Variants in SEMA3A observed in about 807,000 individuals in gnomAD.
SEMA3A encodes semaphorin-3A.
SEMA3A carries 29 observed loss-of-function variants against 97.9 expected under a neutral mutation model. The observed-to-expected ratio is 0.30, with a 90% CI of 0.22 to 0.40. The LOEUF (loss-of-function observed/expected upper bound fraction) is 0.40, where lower values mean the gene tolerates loss of function less well. SEMA3A is among the 10% of genes least tolerant of loss of function. SEMA3A has a pLI of 1.00. For synonymous variants in SEMA3A, 321 were observed against 323.7 expected, an observed-to-expected ratio of 0.99 and a Z score of 0.09; for missense variants, 763 against 951.3, an observed-to-expected ratio of 0.80 and a Z score of 2.60.
chr7:84,374,097 C>A (rs976023687), intron 1 of SEMA3A, among the ~76,000 whole-genome samples: 1 of 152,030 alleles, frequency 6.6e-6, no homozygotes, highest in Non-Finnish European at 1.5e-5. Flanking sequence ...TGGGCAGAAG[C>A]CCAGAGGAGA....
At chr7:84,042,773 A>T (rs113912848) in intron 6 of SEMA3A, among the ~76,000 whole-genome samples, 1 of 152,190 alleles carries the variant, frequency 6.6e-6, no homozygotes, top group African/African-American at 2.4e-5. Context: ...ACTCCAAGAC[A>T]TAAACAATAT....
chr7:84,340,793 A>AC (rs1233169888), intron 2 of SEMA3A, among the ~76,000 whole-genome samples: 2 of 122,408 alleles, frequency 1.6e-5, no homozygotes, highest in Admixed American at 8.7e-5. Flanking sequence ...AAAAAAAAAA[A>AC]AAAAATCAAA....
intron 1 of SEMA3A, among the ~76,000 whole-genome samples, chr7:84,452,447 G>A (rs118159844): frequency 5.7e-4 from 86 of 152,208 alleles, no homozygotes; most frequent in East Asian, 3.3e-3. Context: ...CATACACTTT[G>A]TGAGTATGAT....
At chr7:83,966,621 G>A (rs1226963707) in intron 15 of SEMA3A, among the ~76,000 whole-genome samples, 1 of 152,114 alleles carries the variant, frequency 6.6e-6, no homozygotes, top group African/African-American at 2.4e-5. Context: ...AAGATACAGC[G>A]ATACTATTGT....
intron 1 of SEMA3A, among the ~76,000 whole-genome samples, chr7:84,429,052 G>A (rs1158953268): frequency 6.6e-6 from 1 of 151,976 alleles, no homozygotes; most frequent in East Asian, 1.9e-4. Flanking sequence ...GGAGGTTCAT[G>A]TTCCAACACA....
chr7:84,043,950 T>G (rs1004746255), intron 6 of SEMA3A, among the ~76,000 whole-genome samples: 8 of 152,002 alleles, frequency 5.3e-5, no homozygotes, highest in African/African-American at 1.9e-4. Context: ...AGCTTTAACT[T>G]GATGGGTTTT....
At chr7:84,282,957 C>T (rs1353500528) in intron 3 of SEMA3A, among the ~76,000 whole-genome samples, 7 of 151,560 alleles carry the variant, frequency 4.6e-5, no homozygotes, top group Non-Finnish European at 1.0e-4. Flanking sequence ...GAGGTTGCAG[C>T]GAACAGAGAT....
At chr7:84,490,302 T>A (rs1179561928) in intron 1 of SEMA3A, among the ~76,000 whole-genome samples, 2 of 151,956 alleles carry the variant, frequency 1.3e-5, no homozygotes, top group Non-Finnish European at 2.9e-5. Flanking sequence ...GTATTCATCC[T>A]CACTCAGCTA....
At chr7:84,069,249 A>T (rs1159987186) in intron 4 of SEMA3A, among the ~76,000 whole-genome samples, 3 of 152,104 alleles carry the variant, frequency 2.0e-5, no homozygotes, top group East Asian at 3.9e-4. Flanking sequence ...TGTGCCTTTT[A>T]TTGGCTCTGT....
At chr7:84,186,274 C>T (rs1797882256) in intron 1 of SEMA3A, among the ~76,000 whole-genome samples, 1 of 152,072 alleles carries the variant, frequency 6.6e-6, no homozygotes, top group Non-Finnish European at 1.5e-5. Flanking sequence ...ACAATATTCA[C>T]TTTATTTATC....
chr7:84,404,285 AG>A (rs1234857105), intron 1 of SEMA3A, among the ~76,000 whole-genome samples: 1 of 152,222 alleles, frequency 6.6e-6, no homozygotes, highest in Non-Finnish European at 1.5e-5. Flanking sequence ...ACTGGAAGAA[AG>A]GGTATCAGCG....
chr7:84,465,432 G>A (rs956636172), intron 1 of SEMA3A, among the ~76,000 whole-genome samples: 2 of 152,084 alleles, frequency 1.3e-5, no homozygotes, highest in Non-Finnish European at 2.9e-5. Context: ...ACAATGTTAT[G>A]TAGATCTATT....
At chr7:84,458,907 T>G (rs982321721) in intron 1 of SEMA3A, among the ~76,000 whole-genome samples, 5 of 151,920 alleles carry the variant, frequency 3.3e-5, no homozygotes, top group Admixed American at 3.3e-4. Context: ...ACTTATTCCT[T>G]TTATTTAACC....
At chr7:84,333,300 C>G (rs1034327380) in intron 2 of SEMA3A, among the ~76,000 whole-genome samples, 1 of 152,196 alleles carries the variant, frequency 6.6e-6, no homozygotes, top group Middle Eastern at 3.4e-3. Flanking sequence ...AAATGCAACA[C>G]AAGGAAGAAA....
At chr7:84,236,034 T>C (rs1012814163) in intron 3 of SEMA3A, among the ~76,000 whole-genome samples, 2 of 152,150 alleles carry the variant, frequency 1.3e-5, no homozygotes, top group African/African-American at 4.8e-5. Context: ...GGCACATGCC[T>C]AATTGGCTAC....
rs183489865 is a variant in SEMA3A at position 84,062,672 on chromosome 7, A to T, written c.454-2114T>A. ...AAAGGGGTGACAGACGGCACCTGGA[A>T]AATCCGGTCACTCCCACCCGAATAC... On this transcript the variant is annotated intron_variant, in intron 4 of 16. Transcript: ENST00000265362. 1.3e-3 allele frequency among the ~76,000 whole-genome samples: 191 copies of T among 152,290 alleles called. 1 individual carries two copies. The East Asian group carries it at 0.015, about 12-fold the overall frequency.
chr7:84,169,574 G>T (rs1037666065), intron 1 of SEMA3A, among the ~76,000 whole-genome samples: 14 of 149,210 alleles, frequency 9.4e-5, no homozygotes, highest in Admixed American at 6.0e-4. Context: ...CATTTCTATT[G>T]TTCAGATATT....
chr7:84,068,766 A>C (rs1309501851), intron 4 of SEMA3A, among the ~76,000 whole-genome samples: 2 of 152,134 alleles, frequency 1.3e-5, no homozygotes, highest in Non-Finnish European at 2.9e-5. Flanking sequence ...AATTTCATGC[A>C]GTATTTGATT....
intron 3 of SEMA3A, among the ~76,000 whole-genome samples, chr7:84,268,249 ATGTGTGTGTG>A (rs66460940): frequency 4.0e-4 from 52 of 131,036 alleles, no homozygotes; most frequent in South Asian, 1.1e-3. Flanking sequence ...AGACATAAGC[ATGTGTGTGTG>A]TGTGTGTGTG....
Sources: allele counts gnomAD v4.1 joint callset (sites outside exome capture counted in the v4.1 genomes callset), GRCh38; gene constraint gnomAD v4.1.1; transcripts MANE v1.5; gene names NCBI Gene and HGNC (gene_info 2026-07-23, HGNC 2026-07-21).